Variants in C21orf58 observed in about 807,000 individuals in gnomAD.
The protein encoded by C21orf58 is chromosome 21 open reading frame 58, also known as uncharacterized protein C21orf58.
In C21orf58, 34 loss-of-function variants were observed where a neutral mutation model predicts 35.8. The ratio of observed to expected loss-of-function variants is 0.95; its 90% CI spans 0.72 to 1.26. The LOEUF (loss-of-function observed/expected upper bound fraction) is 1.26, where lower values mean the gene tolerates loss of function less well. Ranked by LOEUF, C21orf58 falls within the 50% of genes most tolerant of loss-of-function variation. C21orf58 has a pLI of 0.00. For missense variants in C21orf58, 440 were observed against 414.3 expected (o/e 1.06, Z -0.54); for synonymous variants, 191 against 175.8 (o/e 1.09, Z -0.68).
chr21:46,306,839 C>T (rs1045158157), intron 6 of C21orf58, among the ~76,000 whole-genome samples: 6 of 152,016 alleles, frequency 3.9e-5, no homozygotes, highest in South Asian at 4.1e-4. Flanking sequence ...CCTCCCACCT[C>T]GGCCTCCCAA....
At chr21:46,306,962 C>A (rs2082446808) in intron 6 of C21orf58, among the ~76,000 whole-genome samples, 1 of 151,916 alleles carries the variant, frequency 6.6e-6, no homozygotes, top group Non-Finnish European at 1.5e-5. Flanking sequence ...GTGGCGTGAT[C>A]TCAGCTCACT....
At chr21:46,314,963 C>A in intron 4 of C21orf58, 83 bp from the exon 5 acceptor site, 1 of 1,550,262 alleles carries the variant, frequency 6.5e-7, no homozygotes, top group Admixed American at 2.0e-5. Flanking sequence ...AGGCTCAGGC[C>A]AGCCTGGGCC....
chr21:46,315,861 T>C (rs1395191366), intron 3 of C21orf58, among the ~76,000 whole-genome samples: 2 of 152,004 alleles, frequency 1.3e-5, no homozygotes, highest in African/African-American at 2.4e-5. Flanking sequence ...TCATACAGAG[T>C]GCCCTGGGCT....
chr21:46,311,978 TCCATCCAC>T (rs1182015067), intron 5 of C21orf58, among the ~76,000 whole-genome samples: 7 of 12,178 alleles, frequency 5.7e-4, no homozygotes, highest in East Asian at 3.6e-3. Flanking sequence ...CACCCACCCA[TCCATCCAC>T]CCATCCACCC....
At chr21:46,304,269 A>T (rs2082317149) in intron 6 of C21orf58, among the ~76,000 whole-genome samples, 1 of 152,000 alleles carries the variant, frequency 6.6e-6, no homozygotes. Context: ...TGACCTCATG[A>T]TCTGCCCGCC....
chr21:46,313,107 C>T, intron 5 of C21orf58: 1 of 967,302 alleles, frequency 1.0e-6, no homozygotes. Context: ...TCGTAAACAG[C>T]TTCCAAAGCA....
At chr21:46,309,819 A>G (rs2082590969) in intron 6 of C21orf58, among the ~76,000 whole-genome samples, 1 of 151,688 alleles carries the variant, frequency 6.6e-6, no homozygotes, top group South Asian at 2.1e-4. Flanking sequence ...AGATGGTGAA[A>G]CCCCGTCTCT....
Position 46,311,518 on chromosome 21 carries a change from A to C in C21orf58, c.659T>G (p.Leu220Arg). The change falls in exon 6 of 8, where the codon CTC becomes CGC. Residue 220 changes from leucine (L) to arginine (R), a missense_variant. Transcript: ENST00000291691. ...TIIQQLPQQP[L>R]IAQIPPPQAF... Reference sequence around the variant, plus strand: ...CTGGGGAGGAGGAATCTGTGCTATGAGTGGCTGCTGAGGGAGCTGCTGAAT... The same window carrying C: ...CTGGGGAGGAGGAATCTGTGCTATGCGTGGCTGCTGAGGGAGCTGCTGAAT... The C allele has an allele frequency of 6.2e-7, 1 of 1,612,606 alleles. No individual in the cohort carries two copies. Among genetic ancestry groups the C allele is most frequent in the South Asian group, 1.1e-5 (1 of 90,546 alleles).
Position 46,322,937 on chromosome 21 carries a change from C to A in C21orf58, c.-199G>T, listed in dbSNP as rs1416745037. 7 of 441,028 alleles carry A rather than the reference C, an allele frequency of 1.6e-5. No individual in the cohort carries two copies. Among genetic ancestry groups the A allele is most frequent in the Non-Finnish European group, 2.8e-5 (7 of 247,954 alleles). The allele number at this position is 441,028 out of a possible 1,614,324, so 27.3% of individuals were successfully genotyped here. A position where few individuals can be genotyped will look rare whatever the true frequency, so the allele number is the denominator to read the frequency against. ...TGCTGCAAACAAGCACACGGCCCTC[C>A]ACGACGAACCTTTTGCAAGTGAAGG... is the stretch of plus-strand genomic sequence containing the variant. On this transcript the variant is annotated 5_prime_UTR_variant, in exon 1 of 8. The change creates a premature stop within an existing upstream ORF in the 5' untranslated region. Transcript: ENST00000291691.
At chr21:46,311,743 C>A (rs1314827234) in intron 5 of C21orf58, 176 bp from the exon 6 acceptor site, 1 of 445,956 alleles carries the variant, frequency 2.2e-6, no homozygotes, top group Admixed American at 3.6e-5. Flanking sequence ...AACCAACCAT[C>A]CACCCACTCA....
rs2082154939 is a variant in C21orf58 at position 46,302,535 on chromosome 21, G to A, written c.763C>T (p.Gln255Ter). 2 of 1,612,626 alleles carry A rather than the reference G, an allele frequency of 1.2e-6. No homozygotes were observed. The highest frequency in any genetic ancestry group is 1.7e-6 in the Non-Finnish European group (2 of 1,179,484). ...LLLLQNAQVH[Q>*]LVLQNWMLKA... ...AGCATCCAGTTCTGCAGGACCAACT[G>A]GTGCACCTGTGCGTTCTGCAGCAGC... The change falls in exon 7 of 8, where the codon CAG (glutamine) becomes TAG (stop). Residue 255 changes from glutamine to a stop codon, truncating the protein, a stop_gained. Coordinates refer to ENST00000291691, the MANE Select transcript of C21orf58 (RefSeq NM_058180.5). LOFTEE classifies it low-confidence loss of function (END_TRUNC).
chr21:46,317,297 C>A lies in C21orf58; in HGVS notation c.310-29G>T, dbSNP rs1353212990. ...TGAGGAAGAGAGACCGTGACAGAGA[C>A]GGTGGCTCCACGCAAAGGCCCTGTG... is the stretch of plus-strand genomic sequence containing the variant. On this transcript the variant is annotated intron_variant, in intron 2 of 7. Coordinates refer to ENST00000291691, the MANE Select transcript of C21orf58 (RefSeq NM_058180.5). The A allele has an allele frequency of 3.1e-6, 5 of 1,606,518 alleles. No individual in the cohort carries two copies. In the African/African-American group the frequency reaches 6.7e-5, roughly 21 times the overall value.
intron 6 of C21orf58, among the ~76,000 whole-genome samples, chr21:46,303,382 A>C (rs1329768194): frequency 1.3e-5 from 2 of 151,890 alleles, no homozygotes; most frequent in South Asian, 4.1e-4. Context: ...TACAGACACC[A>C]TGAAGAGAGT....
chr21:46,308,303 A>G (rs1252980702), intron 6 of C21orf58, among the ~76,000 whole-genome samples: 2 of 152,090 alleles, frequency 1.3e-5, no homozygotes, highest in African/African-American at 4.8e-5. Context: ...TCTACTAAAA[A>G]TACAAAAATC....
chr21:46,322,524 C>A, intron 1 of C21orf58, 115 bp downstream of exon 1: 1 of 1,307,576 alleles, frequency 7.6e-7, no homozygotes, highest in Non-Finnish European at 9.8e-7. Context: ...AGCCCCTGCT[C>A]GCTTGGCTGT....
At chr21:46,309,162 T>C (rs541497799) in intron 6 of C21orf58, among the ~76,000 whole-genome samples, 3 of 151,702 alleles carry the variant, frequency 2.0e-5, no homozygotes, top group Non-Finnish European at 2.9e-5. Context: ...CTACTAAAAA[T>C]GCAAAAATTA....
At chr21:46,310,037 AACT>A (rs1423109977) in intron 6 of C21orf58, among the ~76,000 whole-genome samples, 1 of 152,104 alleles carries the variant, frequency 6.6e-6, no homozygotes, top group African/African-American at 2.4e-5. Context: ...AGAAAATTCA[AACT>A]ACTACATAGT....
At position 46,302,135 on chromosome 21, in the gene C21orf58, G is replaced by A. The variant is rs747985174; in HGVS notation, c.833C>T (p.Pro278Leu). Residue 278 changes from proline to leucine, a missense_variant, in exon 8 of 8, where the codon CCG (proline) becomes CTG (leucine). By Grantham distance (98) the Pro-to-Leu change is moderately conservative. Transcript: ENST00000291691. ...PALQDPPHVPPRVPRAARPRL... is the reference protein window; with the variant it reads ...PALQDPPHVPLRVPRAARPRL... ...TGGCCTGGCAGCTCGTGGGACCCTC[G>A]GGGGCACATGTGGCGGGTCCTGCCA... 183 of 1,506,906 alleles carry A rather than the reference G, an allele frequency of 1.2e-4. No individual in the cohort carries two copies. Among genetic ancestry groups the A allele is most frequent in the Non-Finnish European group, 1.4e-4 (159 of 1,126,866 alleles). 93.3% of individuals were successfully genotyped at this position (1,506,906 alleles called of 1,614,324 possible).
downstream of C21orf58, chr21:46,300,681 C>A: frequency 7.8e-7 from 1 of 1,280,762 alleles, no homozygotes; most frequent in Non-Finnish European, 1.0e-6. Context: ...GGGAGCTCTG[C>A]AGCTCAGTGG....
Sources: gnomAD v4.1 joint callset for allele counts (sites outside exome capture counted in the v4.1 genomes callset) on GRCh38, gnomAD v4.1.1 for gene constraint, MANE v1.5 for transcripts, NCBI Gene and HGNC (gene_info 2026-07-23, HGNC 2026-07-21) for gene names.